The following KDM2B variants were observed in gnomAD, a reference collection of about 807,000 sequenced individuals.
The protein encoded by KDM2B is lysine-specific demethylase 2B.
KDM2B carries 26 observed loss-of-function variants against 150.0 expected under a neutral mutation model. The ratio of observed to expected loss-of-function variants is 0.17; its 90% CI spans 0.13 to 0.24. The LOEUF (loss-of-function observed/expected upper bound fraction) is 0.24, where lower values mean the gene tolerates loss of function less well. Among genes scored for constraint, KDM2B ranks in the 10% least tolerant of loss-of-function variants. KDM2B has a pLI of 1.00. For missense variants in KDM2B, 1,265 were observed against 1,816.9 expected (o/e 0.70, Z 5.52); for synonymous variants, 734 against 729.5 (o/e 1.01, Z -0.10).
Position 121,521,229 on chromosome 12 carries a change from G to T in KDM2B, c.932-129C>A. On this transcript the variant is annotated intron_variant, in intron 8 of 22. Coordinates refer to ENST00000377071, the MANE Select transcript of KDM2B (RefSeq NM_032590.5). The surrounding 1 kb of genome is among the most constrained non-coding windows in gnomAD (Gnocchi z 4.9). ...GAGTGGAGAAGAGCAGCCAGGGCCT[G>T]GGGCAGCGGCGCCCAGCAATGCCTG... 1 of 638,052 alleles carries T rather than the reference G, an allele frequency of 1.6e-6. No homozygotes were observed. Among genetic ancestry groups the T allele is most frequent in the Non-Finnish European group, 2.8e-6 (1 of 356,904 alleles). The allele number at this position is 638,052 out of a possible 1,614,324, so 39.5% of individuals were successfully genotyped here. A position where few individuals can be genotyped will look rare whatever the true frequency, so the allele number is the denominator to read the frequency against.
At position 121,444,519 on chromosome 12, in the gene KDM2B, A is replaced by G; in HGVS notation, c.2121T>C (p.Gly707=). Residue 707 remains glycine (G), a synonymous_variant, in exon 15 of 23, where the codon GGT becomes GGC. Coordinates refer to ENST00000377071, the MANE Select transcript of KDM2B (RefSeq NM_032590.5). ...AGTTTGGAAGCTCGTCGTTGACCAC[A>G]CCCTCTGACTCCTTAATCTGCGGGG... ...PGCLKIKESE[G]VVNDELPNCW... 8 of 1,613,978 alleles carry G rather than the reference A, an allele frequency of 5.0e-6. No individual in the cohort carries two copies. The highest frequency in any genetic ancestry group is 6.8e-6 in the Non-Finnish European group (8 of 1,180,002).
intron 6 of KDM2B, among the ~76,000 whole-genome samples, chr12:121,544,114 C>CAAAAAAA (rs57873693): frequency 2.3e-5 from 1 of 42,922 alleles, no homozygotes; most frequent in Non-Finnish European, 4.8e-5. Context: ...GACCCTGCCT[C>CAAAAAAA]AAAAAAAAAA....
chr12:121,416,749 A>C, the KDM2B span: 1 of 195,196 alleles, frequency 5.1e-6, no homozygotes, highest in Non-Finnish European at 1.1e-5. Context: ...TAACTTTCAA[A>C]TGAATAAATG....
the KDM2B span, chr12:121,420,709 T>C: frequency 1.2e-6 from 2 of 1,614,172 alleles, no homozygotes; most frequent in Non-Finnish European, 1.7e-6. Flanking sequence ...TTCTGGCTGT[T>C]GTGAAAAATG....
At chr12:121,420,494 A>AAT in the KDM2B span, 2 of 1,572,298 alleles carry the variant, frequency 1.3e-6, no homozygotes, top group Non-Finnish European at 1.7e-6. Flanking sequence ...TGGCTGGGAG[A>AAT]ATATTCAGGG....
chr12:121,577,597 C>CCCACAG (rs1555317050), intron 2 of KDM2B, among the ~76,000 whole-genome samples: 1 of 152,128 alleles, frequency 6.6e-6, no homozygotes, highest in African/African-American at 2.4e-5. Flanking sequence ...CAGAGCTAAC[C>CCCACAG]CCACAGCCAC....
chr12:121,465,855 T>C (rs556107332), intron 12 of KDM2B, among the ~76,000 whole-genome samples: 1 of 152,294 alleles, frequency 6.6e-6, no homozygotes, highest in East Asian at 1.9e-4. Flanking sequence ...AAGCAGGAAT[T>C]GAAGTGTGAT....
intron 9 of KDM2B, among the ~76,000 whole-genome samples, chr12:121,514,686 T>G (rs1467208013): frequency 6.6e-6 from 1 of 150,994 alleles, no homozygotes; most frequent in Non-Finnish European, 1.5e-5. Context: ...AACAATTACA[T>G]TCTCCCACCT....
At chr12:121,443,878 CCTGCT>C (rs1205050382) in intron 16 of KDM2B, 85 bp from the exon 17 acceptor site, 6 of 1,405,686 alleles carry the variant, frequency 4.3e-6, no homozygotes, top group Middle Eastern at 4.0e-4. Flanking sequence ...ACTTAGGTGA[CCTGCT>C]CAGGGCAGCA....
chr12:121,428,248 A>G (rs996888731), downstream of KDM2B, among the ~76,000 whole-genome samples: 2 of 152,046 alleles, frequency 1.3e-5, no homozygotes, highest in Non-Finnish European at 2.9e-5. Flanking sequence ...GCTGGAGTAT[A>G]ATGGCGCAAT....
chr12:121,516,219 T>C, intron 9 of KDM2B: 1 of 258,100 alleles, frequency 3.9e-6, no homozygotes. Flanking sequence ...CAAATCTTTT[T>C]GACACCTTCC....
intron 11 of KDM2B, among the ~76,000 whole-genome samples, chr12:121,503,270 G>A (rs1301974403): frequency 6.6e-6 from 1 of 151,142 alleles, no homozygotes; most frequent in Admixed American, 6.6e-5. Flanking sequence ...GAGTCACTGC[G>A]CCCGGGCTGT....
intron 12 of KDM2B, among the ~76,000 whole-genome samples, chr12:121,459,090 A>G (rs1335871621): frequency 6.6e-6 from 1 of 151,748 alleles, no homozygotes; most frequent in Non-Finnish European, 1.5e-5. Flanking sequence ...GCCTCAAAAA[A>G]AAAAAAAAAA....
intron 4 of KDM2B, among the ~76,000 whole-genome samples, chr12:121,560,796 C>T (rs999722200): frequency 6.6e-6 from 1 of 152,038 alleles, no homozygotes; most frequent in African/African-American, 2.4e-5. Context: ...GGTTTGGCAC[C>T]GGGGAGGAGG....
chr12:121,534,670 G>A (rs1302894764), intron 6 of KDM2B, 80 bp from the exon 7 acceptor site: 4 of 980,940 alleles, frequency 4.1e-6, no homozygotes, highest in Admixed American at 2.1e-5. Flanking sequence ...CAGAGGTCCT[G>A]AACTGGTGCC....
chr12:121,447,612 T>G (rs1332969270), intron 13 of KDM2B, among the ~76,000 whole-genome samples: 2 of 152,200 alleles, frequency 1.3e-5, no homozygotes, highest in African/African-American at 4.8e-5. Context: ...GCCATTCTTC[T>G]TATTTTTCTT....
intron 6 of KDM2B, among the ~76,000 whole-genome samples, chr12:121,544,385 T>TCAAG (rs1555310283): frequency 6.6e-6 from 1 of 151,958 alleles, no homozygotes; most frequent in Non-Finnish European, 1.5e-5. Context: ...CCAAGGCAGG[T>TCAAG]GATCACCTGA....
chr12:121,542,920 T>C (rs1019533673), intron 6 of KDM2B, among the ~76,000 whole-genome samples: 1 of 152,210 alleles, frequency 6.6e-6, no homozygotes, highest in Non-Finnish European at 1.5e-5. Flanking sequence ...CACTACTACA[T>C]AGAATCATGT....
At chr12:121,509,071 T>C (rs1043128793) in intron 11 of KDM2B, among the ~76,000 whole-genome samples, 10 of 152,034 alleles carry the variant, frequency 6.6e-5, no homozygotes, top group Non-Finnish European at 1.5e-4. Flanking sequence ...GCTCTTTTGT[T>C]TTTTTGAGAC....
Sources: allele counts gnomAD v4.1 joint callset (sites outside exome capture counted in the v4.1 genomes callset), GRCh38; gene constraint gnomAD v4.1.1; non-coding constraint Gnocchi (gnomAD v3.1); transcripts MANE v1.5; gene names NCBI Gene and HGNC (gene_info 2026-07-23, HGNC 2026-07-21).